Variants in RMND5A observed in about 807,000 individuals in gnomAD.
The protein encoded by RMND5A is required for meiotic nuclear division 5 homolog A, also known as E3 ubiquitin-protein transferase RMND5A.
RMND5A carries 17 observed loss-of-function variants against 49.7 expected under a neutral mutation model. That is an observed-to-expected ratio of 0.34 (90% CI 0.23 to 0.51). The LOEUF is 0.51. RMND5A is among the 20% of genes least tolerant of loss of function. The pLI is 0.96. For synonymous variants in RMND5A, 156 were observed against 167.7 expected (o/e 0.93, Z 0.54); for missense variants, 255 against 471.3 (o/e 0.54, Z 4.25).
intron 2 of RMND5A, among the ~76,000 whole-genome samples, chr2:86,750,324 T>G (rs1436361860): frequency 6.6e-6 from 1 of 152,206 alleles, no homozygotes; most frequent in African/African-American, 2.4e-5. Context: ...TTTCCCTCCG[T>G]CTGAGAATGT....
intron 2 of RMND5A, among the ~76,000 whole-genome samples, chr2:86,743,166 T>C (rs1319068942): frequency 1.3e-5 from 2 of 152,168 alleles, no homozygotes; most frequent in African/African-American, 2.4e-5. Flanking sequence ...GGTTGTCAGA[T>C]ATTTTGACTA....
chr2:86,771,536 C>A, intron 7 of RMND5A, 22 bp from the exon 8 acceptor site: 1 of 1,425,320 alleles, frequency 7.0e-7, no homozygotes, highest in Non-Finnish European at 9.5e-7. Flanking sequence ...AGCTTTTTTA[C>A]TTTTTTTTTT....
At chr2:86,746,761 T>A (rs1026635998) in intron 2 of RMND5A, among the ~76,000 whole-genome samples, 1 of 152,184 alleles carries the variant, frequency 6.6e-6, no homozygotes, top group African/African-American at 2.4e-5. Flanking sequence ...AGATAACTAA[T>A]AGTGGAGGGA....
intron 2 of RMND5A, among the ~76,000 whole-genome samples, chr2:86,744,797 C>G (rs1016204579): frequency 1.3e-5 from 2 of 152,092 alleles, no homozygotes; most frequent in Non-Finnish European, 2.9e-5. Flanking sequence ...GTCCTCCCAC[C>G]TCAGCATCCA....
intron 1 of RMND5A, among the ~76,000 whole-genome samples, chr2:86,738,292 C>T (rs375912534): frequency 0.36 from 1,476 of 4,114 alleles, 370 homozygotes; most frequent in African/African-American, 0.46. Context: ...GCCTGTAATC[C>T]GAGTACTTTG....
chr2:86,771,587 GT>G lies in RMND5A; in HGVS notation c.988del (p.Tyr330IlefsTer21). On this transcript the variant is annotated frameshift_variant, in exon 8 of 9. Transcript: ENST00000283632. LOFTEE classifies it high-confidence loss of function. ...IEVDLGKKCW[Y>X]HSIFACPILR... The stretch of plus-strand genomic sequence containing the variant: ...AAGTGGACCTTGGTAAAAAGTGCTG[GT>G]ATCACTCTATATTTGCCTGCCCCAT... 1 of 1,609,196 alleles carries G rather than the reference GT, an allele frequency of 6.2e-7. No individual in the cohort carries two copies. The highest frequency in any genetic ancestry group is 1.1e-5 in the South Asian group (1 of 90,782).
intron 4 of RMND5A, among the ~76,000 whole-genome samples, chr2:86,764,039 C>T (rs1446551383): frequency 6.6e-6 from 1 of 152,132 alleles, no homozygotes; most frequent in African/African-American, 2.4e-5. Context: ...AAGGTTAGGA[C>T]CCAGTAAAAG....
Position 86,777,684 on chromosome 2 carries a change from A to G in RMND5A, c.*4273A>G, listed in dbSNP as rs187299546. On this transcript the variant is annotated 3_prime_UTR_variant, in exon 9 of 9. Coordinates refer to ENST00000283632, the MANE Select transcript of RMND5A (RefSeq NM_022780.4). ...GCACTGTAATCTATCATATAGAGCTATATGTATGGAAAATTTTGATCAATT... is the reference window on the plus strand; with the variant it reads ...GCACTGTAATCTATCATATAGAGCTGTATGTATGGAAAATTTTGATCAATT... 1 of 152,326 alleles carries G rather than the reference A, an allele frequency of 6.6e-6. No individual in the cohort carries two copies. The highest frequency in any genetic ancestry group is 2.4e-5 in the African/African-American group (1 of 41,572). 9.4% of individuals were successfully genotyped at this position (152,326 alleles called of 1,614,324 possible).
In RMND5A at chr2:86,729,300, A is replaced by AAG. The variant is rs534570145; in HGVS notation, c.142+8500_142+8501dup. Among the ~76,000 whole-genome samples the AAG allele has an allele frequency of 6.4e-4, 98 of 152,128 alleles. 1 individual carries two copies. The highest frequency in any genetic ancestry group is 9.0e-4 in the Non-Finnish European group (61 of 68,034). On this transcript the variant is annotated intron_variant, in intron 1 of 8. Transcript: ENST00000283632. Reference sequence around the variant, plus strand: ...CTTCTGGTGAGTACAGACACCAGTGAAGAGAGAGAGCCCTTAGAAAGAACT... The same window carrying AAG: ...CTTCTGGTGAGTACAGACACCAGTGAAGAGAGAGAGAGCCCTTAGAAAGAACT...
At chr2:86,764,643 A>T (rs569380998) in intron 4 of RMND5A, among the ~76,000 whole-genome samples, 10 of 152,322 alleles carry the variant, frequency 6.6e-5, no homozygotes, top group African/African-American at 2.4e-4. Flanking sequence ...CCCTTTCAGG[A>T]TCTTTGATTC....
At chr2:86,746,284 C>T (rs561076288) in intron 2 of RMND5A, among the ~76,000 whole-genome samples, 8 of 152,078 alleles carry the variant, frequency 5.3e-5, no homozygotes, top group African/African-American at 7.2e-5. Context: ...TGCATGCTTT[C>T]GTGTATTTGT....
At position 86,773,340 on chromosome 2, in the gene RMND5A, G is replaced by C. The variant is rs1458823974; in HGVS notation, c.1113-8G>C. On this transcript the variant is annotated splice_polypyrimidine_tract_variant and splice_region_variant and intron_variant, in intron 8 of 8. Transcript: ENST00000283632. ...TCCTTCACTCAGTGTTTTCTTCTTT[G>C]TCTTTAGATTAAAATGTCCCTACTG... 2.5e-6 allele frequency: 4 copies of C among 1,580,128 alleles called. No homozygotes were observed. Among genetic ancestry groups the C allele is most frequent in the East Asian group, 4.5e-5 (2 of 44,690 alleles).
rs1324810702 is a variant in RMND5A, at chr2:86,747,964, T to C, written c.286-3932T>C. 3.9e-5 allele frequency among the ~76,000 whole-genome samples: 6 copies of C among 152,176 alleles called. No homozygotes were observed. The East Asian group carries it at 1.2e-3, about 29-fold the overall frequency. ...TGGACACACCCTTGGATGTGTGCTT[T>C]TTTGCTTTTGGTTCTTGTTTGGATC... On this transcript the variant is annotated intron_variant, in intron 2 of 8. Transcript: ENST00000283632.
intron 6 of RMND5A, among the ~76,000 whole-genome samples, chr2:86,768,550 A>G (rs1049420522): frequency 3.3e-5 from 5 of 152,206 alleles, no homozygotes; most frequent in African/African-American, 1.2e-4. Flanking sequence ...GGAAAGTTGG[A>G]CTGTATTAGA....
At chr2:86,766,423 T>C (rs1393416053) in intron 6 of RMND5A, among the ~76,000 whole-genome samples, 2 of 152,040 alleles carry the variant, frequency 1.3e-5, no homozygotes, top group Non-Finnish European at 2.9e-5. Context: ...CTCAGCATTT[T>C]AGGAGGCCTA....
At chr2:86,773,301 A>C (rs1413024662) in intron 8 of RMND5A, 47 bp from the exon 9 acceptor site, 1 of 1,064,118 alleles carries the variant, frequency 9.4e-7, no homozygotes, top group Non-Finnish European at 1.4e-6. Flanking sequence ...TTGAATACAC[A>C]GTACTGAGCC....
intron 4 of RMND5A, among the ~76,000 whole-genome samples, chr2:86,759,262 A>G (rs1681801224): frequency 6.6e-6 from 1 of 152,220 alleles, no homozygotes; most frequent in South Asian, 2.1e-4. Context: ...TATGGAGGTA[A>G]CTGTGTGCCA....
intron 2 of RMND5A, among the ~76,000 whole-genome samples, chr2:86,750,250 C>T (rs1681610385): frequency 6.6e-6 from 1 of 152,204 alleles, no homozygotes; most frequent in South Asian, 2.1e-4. Flanking sequence ...CTTCTGGTGT[C>T]ATTTTCTTCT....
chr2:86,773,315 T>C (rs1299097376), intron 8 of RMND5A, 33 bp from the exon 9 acceptor site: 12 of 1,334,976 alleles, frequency 9.0e-6, no homozygotes, highest in Non-Finnish European at 1.3e-5. Flanking sequence ...CTGAGCCTGC[T>C]CCTTCACTCA....
Sources: allele counts gnomAD v4.1 joint callset (sites outside exome capture counted in the v4.1 genomes callset), GRCh38; gene constraint gnomAD v4.1.1; transcripts MANE v1.5; gene names NCBI Gene and HGNC (gene_info 2026-07-23, HGNC 2026-07-21).